Variants in ANKRD17 observed in about 807,000 individuals in gnomAD.
The protein encoded by ANKRD17 is ankyrin repeat domain-containing protein 17.
In ANKRD17, 19 loss-of-function variants were observed where a neutral mutation model predicts 229.7. That is an observed-to-expected ratio of 0.08 (90% confidence interval 0.06 to 0.12). ANKRD17 has a LOEUF of 0.12. Ranked by LOEUF, ANKRD17 falls within the 10% of genes least tolerant of loss-of-function variation. The probability of loss-of-function intolerance (pLI) is 1.00; values close to 1 mark genes in which losing one functional copy is unlikely to be tolerated. For missense variants in ANKRD17, 2,176 were observed against 3,176.8 expected, an observed-to-expected ratio of 0.68 and a Z score of 7.57; for synonymous variants, 1,112 against 1,146.1, an observed-to-expected ratio of 0.97 and a Z score of 0.60.
chr4:73,121,212 C>A, intron 19 of ANKRD17, 118 bp from the exon 20 acceptor site: 9 of 928,564 alleles, frequency 9.7e-6, no homozygotes, highest in Non-Finnish European at 1.3e-5. Flanking sequence ...TTAAAATATC[C>A]ATTTTTCTCA....
chr4:73,112,663 G>C (rs1224824498), intron 24 of ANKRD17: 3 of 685,428 alleles, frequency 4.4e-6, no homozygotes, highest in Non-Finnish European at 5.4e-6. Flanking sequence ...AATAAAGAAA[G>C]CAAGTATAGT....
At chr4:73,213,031 GAAA>G (rs11371589) in intron 1 of ANKRD17, among the ~76,000 whole-genome samples, 1 of 131,344 alleles carries the variant, frequency 7.6e-6, no homozygotes, top group Non-Finnish European at 1.6e-5. Context: ...CGTTTCAGGG[GAAA>G]AAAAAAAAAA....
At chr4:73,181,264 T>G (rs1405129019) in intron 1 of ANKRD17, among the ~76,000 whole-genome samples, 4 of 152,196 alleles carry the variant, frequency 2.6e-5, no homozygotes, top group African/African-American at 7.2e-5. Context: ...TAAAAAATAC[T>G]GTTTAATACT....
In ANKRD17 at chr4:73,115,892, A is replaced by C; in HGVS notation, c.4213T>G (p.Leu1405Val). The C allele has an allele frequency of 6.2e-7, 1 of 1,613,724 alleles. No individual in the cohort carries two copies. Among genetic ancestry groups the C allele is most frequent in the Non-Finnish European group, 8.5e-7 (1 of 1,179,944 alleles). ...GGAAACTGATTGACTTCTTTGACTA[A>C]GTAGCGCACCACCTTCACATGACCC... ...RKGHVKVVRY[L>V]VKEVNQFPSD... The change falls in exon 23 of 34, where the codon TTA becomes GTA. Residue 1405 changes from leucine to valine, a missense_variant. Around this residue, in one of 18 missense-constraint regions of ANKRD17, gnomAD observed 178 missense variants for 421.7 expected, o/e 0.42. Coordinates refer to ENST00000358602, the MANE Select transcript of ANKRD17 (RefSeq NM_032217.5).
intron 1 of ANKRD17, among the ~76,000 whole-genome samples, chr4:73,202,318 TAAAAAAAAAAAA>T (rs10533861): frequency 1.4e-4 from 3 of 21,902 alleles, no homozygotes; most frequent in Non-Finnish European, 2.3e-4. Context: ...GGAACAGGAT[TAAAAAAAAAAAA>T]AAAAAAAAAA....
intron 3 of ANKRD17, among the ~76,000 whole-genome samples, chr4:73,160,896 T>C (rs1732440709): frequency 6.6e-6 from 1 of 152,240 alleles, no homozygotes; most frequent in Non-Finnish European, 1.5e-5. Context: ...AAGTCTTTTA[T>C]AACATATTGA....
chr4:73,137,703 T>TC (rs933839279), intron 15 of ANKRD17, among the ~76,000 whole-genome samples: 2 of 152,094 alleles, frequency 1.3e-5, no homozygotes, highest in African/African-American at 4.8e-5. Context: ...TATGTTTCTC[T>TC]CCCCATAGAA....
chr4:73,211,441 A>C (rs982059948), intron 1 of ANKRD17, among the ~76,000 whole-genome samples: 1 of 152,236 alleles, frequency 6.6e-6, no homozygotes, highest in Non-Finnish European at 1.5e-5. Context: ...TTTGATTCTT[A>C]AATGTAAAAT....
chr4:73,166,962 C>T (rs888046245), intron 2 of ANKRD17, among the ~76,000 whole-genome samples: 5 of 151,838 alleles, frequency 3.3e-5, no homozygotes, highest in Non-Finnish European at 7.4e-5. Flanking sequence ...AGGATACTGG[C>T]AATATTAAGG....
chr4:73,152,515 T>C (rs1174574384), intron 6 of ANKRD17, among the ~76,000 whole-genome samples: 1 of 152,028 alleles, frequency 6.6e-6, no homozygotes, highest in African/African-American at 2.4e-5. Context: ...CATGGATACC[T>C]GGAAGTAGCA....
At chr4:73,128,499 C>T (rs577746725) in intron 16 of ANKRD17, among the ~76,000 whole-genome samples, 4 of 152,044 alleles carry the variant, frequency 2.6e-5, no homozygotes, top group South Asian at 2.1e-4. Flanking sequence ...AAGATAAGCA[C>T]GGAAAATTTT....
rs368858321 is a variant in ANKRD17, at chr4:73,176,376, T to G, written c.547+1004A>C. 2.6e-5 allele frequency among the ~76,000 whole-genome samples: 4 copies of G among 152,132 alleles called. No homozygotes were observed. The East Asian group carries it at 5.8e-4, about 22-fold the overall frequency. ...GAGAATGTAAATTAATACAACCATA[T>G]GGAGAACAGTTTGGAAGTCCCTCCC... On this transcript the variant is annotated intron_variant, in intron 2 of 33. Transcript: ENST00000358602.
chr4:73,246,170 C>A (rs536463670), intron 1 of ANKRD17, among the ~76,000 whole-genome samples: 1 of 152,242 alleles, frequency 6.6e-6, no homozygotes, highest in South Asian at 2.1e-4. Flanking sequence ...ATCAGTATAA[C>A]CAAGAAAATT....
intron 2 of ANKRD17, among the ~76,000 whole-genome samples, chr4:73,171,060 G>A (rs1008609080): frequency 1.3e-5 from 2 of 151,998 alleles, no homozygotes; most frequent in African/African-American, 4.8e-5. Context: ...GTCACAACGG[G>A]CATTGAGTGA....
chr4:73,171,178 G>GAAGAGAGAGA lies in ANKRD17; in HGVS notation c.547+6201_547+6202insTCTCTCTCTT, dbSNP rs1553928536. 1.7e-4 allele frequency among the ~76,000 whole-genome samples: 18 copies of GAAGAGAGAGA among 104,500 alleles called. No individual in the cohort carries two copies. In the East Asian group the frequency reaches 4.7e-3, roughly 27 times the overall value. 68.6% of individuals were successfully genotyped at this position (104,500 alleles called of 152,430 possible). A position where few individuals can be genotyped will look rare whatever the true frequency, so the allele number is the denominator to read the frequency against. On this transcript the variant is annotated intron_variant, in intron 2 of 33. Coordinates refer to ENST00000358602, the MANE Select transcript of ANKRD17 (RefSeq NM_032217.5). Reference sequence around the variant, plus strand: ...CCCAGCTCCACATGGCTCAGAGGGGGGAGAGAGAGAGAGAGAGAGAGAGAG... The same window carrying GAAGAGAGAGA: ...CCCAGCTCCACATGGCTCAGAGGGGGAAGAGAGAGAGAGAGAGAGAGAGAGAGAGAGAGAG...
At chr4:73,202,693 A>C (rs1738838882) in intron 1 of ANKRD17, among the ~76,000 whole-genome samples, 1 of 152,218 alleles carries the variant, frequency 6.6e-6, no homozygotes, top group African/African-American at 2.4e-5. Context: ...ATTTTCAAGT[A>C]ACCTTACAGC....
intron 8 of ANKRD17, among the ~76,000 whole-genome samples, chr4:73,148,414 C>T (rs1242238690): frequency 1.3e-5 from 2 of 152,186 alleles, no homozygotes. Flanking sequence ...TTAGTCTTTA[C>T]TGCGTGGTTT....
At chr4:73,094,771 T>C (rs569167315) in intron 27 of ANKRD17, among the ~76,000 whole-genome samples, 10 of 151,798 alleles carry the variant, frequency 6.6e-5, no homozygotes, top group African/African-American at 2.4e-4. Context: ...TGGTTGGGCA[T>C]CTAATCTAGC....
At chr4:73,224,880 T>C (rs1742305195) in intron 1 of ANKRD17, among the ~76,000 whole-genome samples, 1 of 152,278 alleles carries the variant, frequency 6.6e-6, no homozygotes, top group Middle Eastern at 3.4e-3. Flanking sequence ...TTCTTCCCTG[T>C]GATAATCTCA....
Sources: gnomAD v4.1 joint callset for allele counts (sites outside exome capture counted in the v4.1 genomes callset) on GRCh38, gnomAD v4.1.1 for gene constraint, gnomAD v4.1.1 regional missense constraint, MANE v1.5 for transcripts, NCBI Gene and HGNC (gene_info 2026-07-23, HGNC 2026-07-21) for gene names.